DLGAP2: variants seen among roughly 807,000 people sequenced by gnomAD.
DLGAP2 encodes the protein DLG associated protein 2, also known as disks large-associated protein 2.
DLGAP2 carries 26 observed loss-of-function variants against 100.3 expected under a neutral mutation model. The ratio of observed to expected loss-of-function variants is 0.26; its 90% confidence interval spans 0.19 to 0.36. The LOEUF (loss-of-function observed/expected upper bound fraction) is 0.36, where lower values mean the gene tolerates loss of function less well. Ranked by LOEUF, DLGAP2 falls within the 10% of genes least tolerant of loss-of-function variation. The pLI is 1.00. For synonymous variants in DLGAP2, 886 were observed against 630.1 expected, an observed-to-expected ratio of 1.41 and a Z score of -6.08; for missense variants, 1,858 against 1,453.2, an observed-to-expected ratio of 1.28 and a Z score of -4.53.
At chr8:918,874 A>C (rs1034009656) in intron 2 of DLGAP2, among the ~76,000 whole-genome samples, 1 of 152,202 alleles carries the variant, frequency 6.6e-6, no homozygotes, top group Non-Finnish European at 1.5e-5. Flanking sequence ...GAAAGATCTA[A>C]ACATTATTTT....
At chr8:931,986 A>C (rs1373856901) in intron 2 of DLGAP2, among the ~76,000 whole-genome samples, 1 of 152,110 alleles carries the variant, frequency 6.6e-6, no homozygotes, top group Non-Finnish European at 1.5e-5. Context: ...TGTACGTTTT[A>C]TTTGTTAATC....
intron 2 of DLGAP2, among the ~76,000 whole-genome samples, chr8:999,609 G>T (rs1369784183): frequency 6.6e-6 from 1 of 151,820 alleles, no homozygotes; most frequent in Non-Finnish European, 1.5e-5. Context: ...CTCCTGAGTA[G>T]CTGGGATTAC....
At chr8:777,779 T>G (rs1228761088) in intron 1 of DLGAP2, among the ~76,000 whole-genome samples, 1 of 152,180 alleles carries the variant, frequency 6.6e-6, no homozygotes, top group Non-Finnish European at 1.5e-5. Context: ...TGGCTGCCCT[T>G]AACATTTTTT....
chr8:1,684,149 T>A (rs999909802), intron 12 of DLGAP2, among the ~76,000 whole-genome samples: 2 of 148,244 alleles, frequency 1.3e-5, no homozygotes, highest in Non-Finnish European at 3.0e-5. Flanking sequence ...ACCCGGCTAA[T>A]TTTTAATCAG....
intron 3 of DLGAP2, among the ~76,000 whole-genome samples, chr8:1,419,210 G>A (rs1239682753): frequency 1.3e-4 from 3 of 23,492 alleles, no homozygotes; most frequent in Admixed American, 1.6e-3. Context: ...GCGTGCGTGT[G>A]TGTGTGTGTG....
chr8:1,284,455 A>G lies in DLGAP2; in HGVS notation c.106+25572A>G, dbSNP rs575746263. Reference sequence around the variant, plus strand: ...GTGTGTGGACCGTCACCTGGGCTCCAGCGCTAACGTAAAGATGTGAGGATT... The same window carrying G: ...GTGTGTGGACCGTCACCTGGGCTCCGGCGCTAACGTAAAGATGTGAGGATT... On this transcript the variant is annotated intron_variant, in intron 3 of 14. Transcript: ENST00000637795. Among the ~76,000 whole-genome samples the G allele has an allele frequency of 1.4e-4, 22 of 152,266 alleles. No individual in the cohort carries two copies. The East Asian group carries it at 3.7e-3, about 25-fold the overall frequency.
intron 2 of DLGAP2, among the ~76,000 whole-genome samples, chr8:1,229,287 A>G (rs965734722): frequency 4.0e-5 from 6 of 151,212 alleles, no homozygotes; most frequent in African/African-American, 1.2e-4. Context: ...TTTTTTTGGA[A>G]TAGTTTTAGA....
chr8:881,059 A>C (rs1468031472), intron 1 of DLGAP2, among the ~76,000 whole-genome samples: 1 of 152,244 alleles, frequency 6.6e-6, no homozygotes, highest in Non-Finnish European at 1.5e-5. Context: ...CATTTTGCAA[A>C]GCTCAGGTGA....
chr8:1,494,423 AG>A (rs1357929851), intron 3 of DLGAP2, among the ~76,000 whole-genome samples: 2 of 152,186 alleles, frequency 1.3e-5, no homozygotes, highest in Non-Finnish European at 2.9e-5. Flanking sequence ...TTCACGGGGC[AG>A]GTCTTTAAGA....
At chr8:1,055,790 G>A (rs1205120177) in intron 2 of DLGAP2, among the ~76,000 whole-genome samples, 4 of 152,334 alleles carry the variant, frequency 2.6e-5, no homozygotes, top group Middle Eastern at 3.4e-3. Context: ...AGGAGGCCTC[G>A]CCAGCAGAGA....
intron 2 of DLGAP2, among the ~76,000 whole-genome samples, chr8:998,454 C>G (rs930631088): frequency 6.6e-6 from 1 of 150,976 alleles, no homozygotes; most frequent in Non-Finnish European, 1.5e-5. Context: ...GTGTGAGCCA[C>G]TATGCCCAGC....
intron 2 of DLGAP2, among the ~76,000 whole-genome samples, chr8:937,576 C>G (rs529209564): frequency 6.6e-6 from 1 of 152,290 alleles, no homozygotes; most frequent in South Asian, 2.1e-4. Context: ...CAATCTTTCT[C>G]CACACAGGTC....
At chr8:1,602,889 G>C (rs1584980090) in intron 6 of DLGAP2, among the ~76,000 whole-genome samples, 1 of 152,354 alleles carries the variant, frequency 6.6e-6, no homozygotes, top group East Asian at 1.9e-4. Context: ...AGTGAAGTGT[G>C]TAGCACCCTA....
At chr8:1,261,934 G>A (rs1183073813) in intron 3 of DLGAP2, among the ~76,000 whole-genome samples, 1 of 152,160 alleles carries the variant, frequency 6.6e-6, no homozygotes, top group Admixed American at 6.5e-5. Flanking sequence ...TGTGCGGCTC[G>A]GATGTGGGTG....
intron 6 of DLGAP2, among the ~76,000 whole-genome samples, chr8:1,594,870 C>T (rs912200645): frequency 1.3e-5 from 2 of 152,148 alleles, no homozygotes; most frequent in Non-Finnish European, 2.9e-5. Flanking sequence ...GCCAGCCATG[C>T]CCCCTGGGCA....
At chr8:1,254,665 C>T (rs981908123) in intron 2 of DLGAP2, among the ~76,000 whole-genome samples, 1 of 151,186 alleles carries the variant, frequency 6.6e-6, no homozygotes, top group Non-Finnish European at 1.5e-5. Flanking sequence ...GTCTGTATGA[C>T]TCAGTGGTGT....
Position 1,633,000 on chromosome 8 carries a change from C to T in DLGAP2, c.1764C>T (p.Pro588=), listed in dbSNP as rs778202106. 6.2e-7 allele frequency: 1 copy of T among 1,614,012 alleles called. No individual in the cohort carries two copies. The highest frequency in any genetic ancestry group is 1.3e-5 in the African/African-American group (1 of 75,056). The stretch of plus-strand genomic sequence containing the variant: ...ACTCCCAAGATGACGAATGTATTCC[C>T]ATGATGACACCCTCTGACATCACCT... ...AGYSQDDECI[P]MMTPSDITST... Residue 588 remains proline, a synonymous_variant, in exon 8 of 15, where the codon CCC becomes CCT. Coordinates refer to ENST00000637795, the MANE Select transcript of DLGAP2 (RefSeq NM_001346810.2).
At chr8:1,481,919 C>G (rs550708573) in intron 3 of DLGAP2, among the ~76,000 whole-genome samples, 2 of 152,332 alleles carry the variant, frequency 1.3e-5, no homozygotes, top group East Asian at 3.9e-4. Context: ...CAGCCCGACC[C>G]GATTATCCTT....
intron 6 of DLGAP2, among the ~76,000 whole-genome samples, chr8:1,593,270 C>T (rs1485058028): frequency 4.6e-5 from 7 of 151,870 alleles, no homozygotes; most frequent in East Asian, 1.9e-4. Context: ...CTGGGTAACA[C>T]GGTGCAACCC....
Sources: allele counts gnomAD v4.1 joint callset (sites outside exome capture counted in the v4.1 genomes callset), GRCh38; gene constraint gnomAD v4.1.1; transcripts MANE v1.5; gene names NCBI Gene and HGNC (gene_info 2026-07-23, HGNC 2026-07-21).